Variants in DOCK5 observed in about 807,000 individuals in gnomAD.
DOCK5 encodes the protein dedicator of cytokinesis protein 5.
A neutral mutation model predicts 251.8 loss-of-function variants in DOCK5; 142 were observed. That is an observed-to-expected ratio of 0.56 (90% CI 0.49 to 0.65). DOCK5 has a LOEUF of 0.65. DOCK5 is among the 30% of genes least tolerant of loss of function. DOCK5 has a pLI of 0.00. For missense variants in DOCK5, 2,111 were observed against 2,312.3 expected (o/e 0.91, Z 1.79); for synonymous variants, 842 against 835.5 (o/e 1.01, Z -0.13).
rs757617389 is a variant in DOCK5, at chr8:25,368,616, TG to T, written c.3331del (p.Glu1111ArgfsTer4). 6.2e-7 allele frequency: 1 copy of T among 1,613,750 alleles called. No homozygotes were observed. The highest frequency in any genetic ancestry group is 1.1e-5 in the South Asian group (1 of 90,960). ...KFIPSMVGPI[L>X]EVTLTPEVEL... ...ATCCCATCCATGGTGGGTCCCATTCTGGAGGTCACTCTGACCCCTGAAGTAG... is the reference window on the plus strand; with the variant it reads ...ATCCCATCCATGGTGGGTCCCATTCTGAGGTCACTCTGACCCCTGAAGTAG... On this transcript the variant is annotated frameshift_variant, in exon 33 of 52. Transcript: ENST00000276440. LOFTEE classifies it high-confidence loss of function.
intron 48 of DOCK5, 71 bp downstream of exon 48, chr8:25,403,795 A>G: frequency 2.0e-6 from 3 of 1,521,710 alleles, no homozygotes; most frequent in Non-Finnish European, 2.7e-6. Context: ...TTAGCCACGC[A>G]TCACTCCTTT....
chr8:25,366,714 G>A (rs1800782426), intron 30 of DOCK5, among the ~76,000 whole-genome samples, 156 bp from the exon 31 acceptor site: 1 of 151,974 alleles, frequency 6.6e-6, no homozygotes, highest in Non-Finnish European at 1.5e-5. Context: ...AAAACTTTTA[G>A]GATTGAATAA....
chr8:25,247,523 G>C (rs1005720258), intron 2 of DOCK5, among the ~76,000 whole-genome samples: 5 of 152,018 alleles, frequency 3.3e-5, no homozygotes. Flanking sequence ...CTTGAGCCTG[G>C]GAGGCAGAGG....
At chr8:25,288,316 G>A (rs1804396614) in intron 5 of DOCK5, among the ~76,000 whole-genome samples, 1 of 152,218 alleles carries the variant, frequency 6.6e-6, no homozygotes, top group South Asian at 2.1e-4. Flanking sequence ...TAGGAATGTA[G>A]CAACAAAGTC....
rs1361829814 is a variant in DOCK5 at position 25,414,314 on chromosome 8, A to C, written c.*3016A>C. Reference sequence around the variant, plus strand: ...TCACTCTGGTGTGCTGTAGGATTGGAAAGGGAGTGGTACCAGATGAAAATG... The same window carrying C: ...TCACTCTGGTGTGCTGTAGGATTGGCAAGGGAGTGGTACCAGATGAAAATG... On this transcript the variant is annotated 3_prime_UTR_variant, in exon 52 of 52. Transcript: ENST00000276440. 6.6e-6 allele frequency: 1 copy of C among 152,192 alleles called. No individual in the cohort carries two copies. Among genetic ancestry groups the C allele is most frequent in the African/African-American group, 2.4e-5 (1 of 41,418 alleles). 9.4% of individuals were successfully genotyped at this position (152,192 alleles called of 1,614,324 possible).
At position 25,414,661 on chromosome 8, in the gene DOCK5, C is replaced by A. The variant is rs1332822798; in HGVS notation, c.*3363C>A. The A allele has an allele frequency of 1.3e-5, 2 of 152,144 alleles. No individual in the cohort carries two copies. Among genetic ancestry groups the A allele is most frequent in the Non-Finnish European group, 1.5e-5 (1 of 68,030 alleles). The allele number at this position is 152,144 out of a possible 1,614,324, so 9.4% of individuals were successfully genotyped here. On this transcript the variant is annotated 3_prime_UTR_variant, in exon 52 of 52. Transcript: ENST00000276440. ...GTGCAGATGGGTAATTTTCACATAG[C>A]TATTTGCCCACATCCGTGCCTCTAA...
chr8:25,345,546 C>G lies in DOCK5; in HGVS notation c.2689C>G (p.Pro897Ala). The G allele has an allele frequency of 6.2e-7, 1 of 1,613,918 alleles. No homozygotes were observed. The highest frequency in any genetic ancestry group is 8.5e-7 in the Non-Finnish European group (1 of 1,179,900). ...CCAGTTAGATGACAACTCCAACAAG[C>G]CTGACCACGAGGCAAGCTCGCAGCT... ...SGQLDDNSNKPDHEASSQLLS... is the reference protein window; with the variant it reads ...SGQLDDNSNKADHEASSQLLS... The change falls in exon 26 of 52, where the codon CCT becomes GCT. Residue 897 changes from proline to alanine, a missense_variant. Around this residue, in one of 3 missense-constraint regions of DOCK5, gnomAD observed 1,717 missense variants for 1,892.4 expected, o/e 0.91. Coordinates refer to ENST00000276440, the MANE Select transcript of DOCK5 (RefSeq NM_024940.8).
chr8:25,268,738 C>T lies in DOCK5; in HGVS notation c.128-107C>T, dbSNP rs547689040. 91 of 887,422 alleles carry T rather than the reference C, an allele frequency of 1.0e-4. No individual in the cohort carries two copies. In the African/African-American group the frequency reaches 1.5e-3, roughly 14 times the overall value. The allele number at this position is 887,422 out of a possible 1,614,324, so 55.0% of individuals were successfully genotyped here. A position where few individuals can be genotyped will look rare whatever the true frequency, so the allele number is the denominator to read the frequency against. The stretch of plus-strand genomic sequence containing the variant: ...ACGTACTGTTAATTGTCTCTGTCAA[C>T]TGTTGTATCCCAGTATTGCTAATAG... On this transcript the variant is annotated intron_variant, in intron 2 of 51. Coordinates refer to ENST00000276440, the MANE Select transcript of DOCK5 (RefSeq NM_024940.8).
chr8:25,213,888 C>G (rs1479909149), intron 1 of DOCK5, among the ~76,000 whole-genome samples: 1 of 152,080 alleles, frequency 6.6e-6, no homozygotes, highest in Non-Finnish European at 1.5e-5. Context: ...TTGTGTGTCC[C>G]TTATGGAAAG....
At chr8:25,207,574 TA>T (rs1250075621) in intron 1 of DOCK5, among the ~76,000 whole-genome samples, 4 of 152,312 alleles carry the variant, frequency 2.6e-5, no homozygotes, top group South Asian at 2.1e-4. Flanking sequence ...CTGTGCTCTA[TA>T]AATGGAACAG....
In DOCK5 at chr8:25,278,391, C is replaced by T. The variant is rs1365528875; in HGVS notation, c.225-178C>T. On this transcript the variant is annotated intron_variant, in intron 4 of 51. Transcript: ENST00000276440. ...GGAGCCCATTTTGAGGACTGTGCTG[C>T]CTTACTCTCCTTCTCTTCTCCCAGA... Among the ~76,000 whole-genome samples, 3 of 152,170 alleles carry T rather than the reference C, an allele frequency of 2.0e-5. No homozygotes were observed. In the East Asian group the frequency reaches 5.8e-4, roughly 29 times the overall value.
At chr8:25,377,910 CTTT>C (rs35469697) in intron 38 of DOCK5, among the ~76,000 whole-genome samples, 1 of 142,492 alleles carries the variant, frequency 7.0e-6, no homozygotes, top group Non-Finnish European at 1.5e-5. Flanking sequence ...ATTGGGGTTT[CTTT>C]TTTTTTTTTT....
chr8:25,372,036 G>A (rs1800881897), intron 34 of DOCK5, among the ~76,000 whole-genome samples: 1 of 152,198 alleles, frequency 6.6e-6, no homozygotes, highest in African/African-American at 2.4e-5. Flanking sequence ...TTTATCTAAA[G>A]AGCCGCATTG....
At chr8:25,405,666 A>G (rs905157515) in intron 48 of DOCK5, among the ~76,000 whole-genome samples, 41 of 152,236 alleles carry the variant, frequency 2.7e-4, no homozygotes, top group African/African-American at 8.7e-4. Context: ...TCCTATTGCT[A>G]TTTTTATTAG....
intron 2 of DOCK5, among the ~76,000 whole-genome samples, chr8:25,265,496 A>G (rs1483731098): frequency 6.6e-6 from 1 of 151,798 alleles, no homozygotes; most frequent in Non-Finnish European, 1.5e-5. Flanking sequence ...TCTTAGAGTA[A>G]TCTGTCCTTG....
chr8:25,411,076 T>C, intron 51 of DOCK5, 118 bp from the exon 52 acceptor site: 2 of 1,297,622 alleles, frequency 1.5e-6, no homozygotes, highest in Non-Finnish European at 2.0e-6. Context: ...TTGCAAAGCC[T>C]GTGTAGATAA....
chr8:25,319,754 A>G, intron 15 of DOCK5, 78 bp downstream of exon 15: 1 of 1,058,702 alleles, frequency 9.4e-7, no homozygotes, highest in Non-Finnish European at 1.4e-6. Flanking sequence ...CCCCCAAATT[A>G]TTCCTACTTT....
At chr8:25,251,276 AGGTGAGCTGAACTGTACAGAGGCAG>A (rs879375011) in intron 2 of DOCK5, among the ~76,000 whole-genome samples, 3,990 of 152,218 alleles carry the variant, frequency 0.026, 84 homozygotes, top group South Asian at 0.065. Flanking sequence ...AATGTCTCAA[AGGTGAGCTGAACTGTACAGAGGCAG>A]GCACAGCACA....
Position 25,399,927 on chromosome 8 carries a change from A to G in DOCK5, c.4721A>G (p.Lys1574Arg), listed in dbSNP as rs754232355. 5 of 1,613,284 alleles carry G rather than the reference A, an allele frequency of 3.1e-6. No homozygotes were observed. Residue 1574 changes from lysine to arginine, a missense_variant, in exon 46 of 52, where the codon AAG becomes AGG. By Grantham distance (26) the Lys-to-Arg change is conservative. Around this residue, in one of 3 missense-constraint regions of DOCK5, gnomAD observed 1,717 missense variants for 1,892.4 expected, o/e 0.91. Coordinates refer to ENST00000276440, the MANE Select transcript of DOCK5 (RefSeq NM_024940.8). ...SNYEKAFFTE[K>R]YLQEHPEDQE... ...TTTTTTTAGGCTTTTTTTACAGAAA[A>G]GTACTTGCAGGAGCATCCTGAAGAC...
Sources: gnomAD v4.1 joint callset for allele counts (sites outside exome capture counted in the v4.1 genomes callset) on GRCh38, gnomAD v4.1.1 for gene constraint, gnomAD v4.1.1 regional missense constraint, MANE v1.5 for transcripts, NCBI Gene and HGNC (gene_info 2026-07-23, HGNC 2026-07-21) for gene names.